Variants in NBAS observed in about 807,000 individuals in gnomAD.
NBAS encodes NAG/BC035112 fusion.
In NBAS, 219 loss-of-function variants were observed where a neutral mutation model predicts 302.5. The ratio of observed to expected loss-of-function variants is 0.72; its 90% CI spans 0.65 to 0.81. The LOEUF (loss-of-function observed/expected upper bound fraction) is 0.81. Ranked by LOEUF, NBAS falls within the 30% of genes least tolerant of loss-of-function variation. The pLI, the probability that NBAS is intolerant of heterozygous loss-of-function variation, is 0.00. For missense variants in NBAS, 2,932 were observed against 2,841.6 expected, an observed-to-expected ratio of 1.03 and a Z score of -0.72; for synonymous variants, 1,118 against 1,021.6, an observed-to-expected ratio of 1.09 and a Z score of -1.80.
chr2:14,939,471 G>T, the NBAS span, among the ~76,000 whole-genome samples: 1 of 152,248 alleles, frequency 6.6e-6, no homozygotes, highest in Non-Finnish European at 1.5e-5. Context: ...TTTGAATAAA[G>T]ACCTTCTGAC....
the NBAS span, among the ~76,000 whole-genome samples, chr2:15,059,624 T>A: frequency 3.3e-5 from 5 of 152,116 alleles, no homozygotes; most frequent in East Asian, 5.8e-4. Flanking sequence ...CCTGATTAGA[T>A]CCCACCTGGG....
chr2:15,175,592 T>A (rs1363432672), intron 51 of NBAS, among the ~76,000 whole-genome samples: 1 of 152,218 alleles, frequency 6.6e-6, no homozygotes, highest in Admixed American at 6.5e-5. Context: ...TCAATTTTAC[T>A]GAGAGTGATG....
chr2:14,829,812 C>G, the NBAS span, among the ~76,000 whole-genome samples: 1 of 152,254 alleles, frequency 6.6e-6, no homozygotes, highest in Non-Finnish European at 1.5e-5. Context: ...ACATACCTAT[C>G]AGAAAACTCC....
intron 16 of NBAS, among the ~76,000 whole-genome samples, chr2:15,470,947 A>C (rs186270245): frequency 3.9e-5 from 6 of 152,262 alleles, no homozygotes; most frequent in Admixed American, 2.6e-4. Flanking sequence ...GGCAAAAAAA[A>C]GCAAAACTCC....
intron 49 of NBAS, among the ~76,000 whole-genome samples, chr2:15,189,739 T>C (rs1398707230): frequency 2.6e-5 from 4 of 152,188 alleles, no homozygotes; most frequent in Admixed American, 2.6e-4. Flanking sequence ...TTGGTTAGAA[T>C]TCTGTCTCCT....
At chr2:15,218,740 G>A (rs377380612) in intron 48 of NBAS, 33 bp downstream of exon 48, 498 of 1,613,208 alleles carry the variant, frequency 3.1e-4, no homozygotes, top group Non-Finnish European at 3.7e-4. Context: ...ATTATTGTTA[G>A]TAAGAAAAAT....
chr2:15,396,324 G>A lies in NBAS; in HGVS notation c.3134+89C>T, dbSNP rs559858031. On this transcript the variant is annotated intron_variant, in intron 27 of 51. Coordinates refer to ENST00000281513, the MANE Select transcript of NBAS (RefSeq NM_015909.4). The stretch of plus-strand genomic sequence containing the variant: ...ACAAAAATGAGGTTAAAGTAGAAAC[G>A]ATGACTCACAGGCAGACTTAATGTG... The A allele has an allele frequency of 7.5e-5, 80 of 1,063,174 alleles. No homozygotes were observed. In the Admixed American group the frequency reaches 1.3e-3, roughly 17 times the overall value. 65.9% of individuals were successfully genotyped at this position (1,063,174 alleles called of 1,614,324 possible).
chr2:15,463,222 T>C (rs13024104), intron 19 of NBAS, among the ~76,000 whole-genome samples: 92,247 of 151,992 alleles, frequency 0.61, 28,957 homozygotes, highest in Non-Finnish European at 0.68. Flanking sequence ...TGCAGTGAGC[T>C]ATCACTGTGC....
At chr2:14,873,364 GCCA>G in the NBAS span, among the ~76,000 whole-genome samples, 1 of 152,178 alleles carries the variant, frequency 6.6e-6, no homozygotes, top group Non-Finnish European at 1.5e-5. Context: ...ATAGGCGTGT[GCCA>G]CCACACCTGA....
chr2:15,144,961 C>T, the NBAS span, among the ~76,000 whole-genome samples: 3 of 151,398 alleles, frequency 2.0e-5, no homozygotes, highest in East Asian at 1.9e-4. Context: ...GGCTTAGAGG[C>T]TACTAGAACT....
the NBAS span, among the ~76,000 whole-genome samples, chr2:15,146,940 G>A: frequency 6.6e-6 from 1 of 152,190 alleles, no homozygotes; most frequent in Non-Finnish European, 1.5e-5. Flanking sequence ...CTAACCAGTA[G>A]TTGAGCTGGT....
intron 11 of NBAS, among the ~76,000 whole-genome samples, chr2:15,497,532 A>G (rs1459680565): frequency 6.6e-6 from 1 of 152,200 alleles, no homozygotes; most frequent in Non-Finnish European, 1.5e-5. Flanking sequence ...GAGGCAATCA[A>G]GTCTAAGGTA....
chr2:15,366,867 C>T (rs934454487), intron 31 of NBAS, among the ~76,000 whole-genome samples, 174 bp from the exon 32 acceptor site: 2 of 152,132 alleles, frequency 1.3e-5, no homozygotes, highest in African/African-American at 4.8e-5. Flanking sequence ...ATTATTGCTT[C>T]TGAGTAAATA....
chr2:14,883,895 A>G, the NBAS span, among the ~76,000 whole-genome samples: 1 of 151,936 alleles, frequency 6.6e-6, no homozygotes, highest in Non-Finnish European at 1.5e-5. Context: ...TATGAGGTTG[A>G]GACTGCAGTG....
chr2:15,136,756 G>A, the NBAS span, among the ~76,000 whole-genome samples: 3 of 152,206 alleles, frequency 2.0e-5, no homozygotes, highest in South Asian at 2.1e-4. Flanking sequence ...CTGGTGGGAC[G>A]TGATTGAATC....
At chr2:15,170,321 C>T (rs1268042281) in intron 51 of NBAS, among the ~76,000 whole-genome samples, 5 of 152,160 alleles carry the variant, frequency 3.3e-5, no homozygotes, top group Admixed American at 3.3e-4. Flanking sequence ...CTCATTCTGG[C>T]AGGGAGGGCA....
At chr2:15,523,527 C>T (rs908679299) in intron 9 of NBAS, among the ~76,000 whole-genome samples, 2 of 152,148 alleles carry the variant, frequency 1.3e-5, no homozygotes, top group African/African-American at 4.8e-5. Context: ...CACTTCACAT[C>T]AGGGACTTGA....
intron 44 of NBAS, among the ~76,000 whole-genome samples, chr2:15,247,724 C>CTGTA: frequency 6.8e-6 from 1 of 148,014 alleles, no homozygotes; most frequent in Non-Finnish European, 1.5e-5. Flanking sequence ...CTATATATAC[C>CTGTA]TCTATCTATA....
At chr2:15,172,494 G>A (rs548156904) in intron 51 of NBAS, among the ~76,000 whole-genome samples, 1 of 152,238 alleles carries the variant, frequency 6.6e-6, no homozygotes, top group South Asian at 2.1e-4. Flanking sequence ...GTCAGGAAAG[G>A]ATCTACTCCT....
Sources: allele counts gnomAD v4.1 joint callset (sites outside exome capture counted in the v4.1 genomes callset), GRCh38; gene constraint gnomAD v4.1.1; transcripts MANE v1.5; gene names NCBI Gene and HGNC (gene_info 2026-07-23, HGNC 2026-07-21).